Variants in DPP6 observed in about 807,000 individuals in gnomAD.
DPP6 encodes dipeptidyl peptidase like 6, also known as A-type potassium channel modulatory protein DPP6.
Under a neutral mutation model 122.6 loss-of-function variants are expected in DPP6, and 69 were observed. That is an observed-to-expected ratio of 0.56 (90% CI 0.46 to 0.69). The LOEUF is 0.69. Ranked by LOEUF, DPP6 falls within the 30% of genes least tolerant of loss-of-function variation. The pLI, the probability that DPP6 is intolerant of heterozygous loss-of-function variation, is 0.00. For synonymous variants in DPP6, 418 were observed against 433.1 expected (o/e 0.97, Z 0.43); for missense variants, 928 against 1,116.9 (o/e 0.83, Z 2.41).
At chr7:154,751,327 C>T (rs1011910924) in intron 8 of DPP6, among the ~76,000 whole-genome samples, 3 of 151,890 alleles carry the variant, frequency 2.0e-5, no homozygotes, top group African/African-American at 4.8e-5. Flanking sequence ...CTGGCCGGCA[C>T]GATGGCTCAT....
intron 2 of DPP6, among the ~76,000 whole-genome samples, chr7:154,471,630 G>A (rs1205335732): frequency 6.6e-6 from 1 of 151,514 alleles, no homozygotes; most frequent in Non-Finnish European, 1.5e-5. Context: ...CACCCAACCA[G>A]GGGCCTCTCA....
intron 1 of DPP6, among the ~76,000 whole-genome samples, chr7:154,087,071 A>G (rs1804478323): frequency 6.6e-6 from 1 of 151,864 alleles, no homozygotes; most frequent in African/African-American, 2.4e-5. Context: ...TTTTTTCCCA[A>G]GAAAGGGATG....
chr7:153,810,110 GCCAT>G, the DPP6 span, among the ~76,000 whole-genome samples: 1 of 152,240 alleles, frequency 6.6e-6, no homozygotes, highest in African/African-American at 2.4e-5. Context: ...CCGACTTGAT[GCCAT>G]AAAAGCGAGT....
chr7:154,296,117 G>T (rs1805528027), intron 1 of DPP6, among the ~76,000 whole-genome samples: 1 of 149,302 alleles, frequency 6.7e-6, no homozygotes, highest in Non-Finnish European at 1.5e-5. Flanking sequence ...CTAATTTTTT[G>T]TATTTTTTAG....
At chr7:154,702,873 T>G (rs1306543056) in intron 7 of DPP6, among the ~76,000 whole-genome samples, 2 of 152,356 alleles carry the variant, frequency 1.3e-5, no homozygotes, top group East Asian at 1.9e-4. Context: ...GATGATGCCA[T>G]CTAGGACTTT....
intron 3 of DPP6, among the ~76,000 whole-genome samples, chr7:154,512,389 T>C (rs549667783): frequency 1.3e-5 from 2 of 152,196 alleles, no homozygotes; most frequent in Non-Finnish European, 2.9e-5. Flanking sequence ...GACAGTATCA[T>C]TGATAATTCT....
At chr7:153,958,418 C>T (rs375377630) in intron 1 of DPP6, among the ~76,000 whole-genome samples, 4 of 152,098 alleles carry the variant, frequency 2.6e-5, no homozygotes, top group African/African-American at 7.2e-5. Flanking sequence ...AACACGCATC[C>T]TATTCTCTTG....
chr7:153,754,781 T>C, the DPP6 span, among the ~76,000 whole-genome samples: 3 of 152,146 alleles, frequency 2.0e-5, no homozygotes, highest in Non-Finnish European at 4.4e-5. Context: ...ATTTAATGAG[T>C]CTCTCCTCTG....
intron 1 of DPP6, among the ~76,000 whole-genome samples, chr7:154,440,598 G>A (rs1449025466): frequency 1.3e-5 from 2 of 152,174 alleles, no homozygotes; most frequent in South Asian, 2.1e-4. Flanking sequence ...ACCTAACCAT[G>A]GGTATAGTTA....
the DPP6 span, among the ~76,000 whole-genome samples, chr7:153,845,145 T>C: frequency 1.3e-5 from 2 of 152,308 alleles, no homozygotes; most frequent in Middle Eastern, 3.4e-3. Context: ...ATTTTACAAC[T>C]TTTTATTAAA....
chr7:154,070,856 A>G (rs1373622910), intron 1 of DPP6, among the ~76,000 whole-genome samples: 1 of 152,196 alleles, frequency 6.6e-6, no homozygotes, highest in Non-Finnish European at 1.5e-5. Context: ...GAACTGTATT[A>G]TATAAAGATA....
chr7:154,094,805 C>T (rs1036389614), intron 1 of DPP6: 1 of 152,154 alleles, frequency 6.6e-6, no homozygotes, highest in Non-Finnish European at 1.5e-5. Flanking sequence ...TGGCAGGCCT[C>T]GCTGCTGAGA....
At chr7:154,260,016 G>A (rs10254229) in intron 1 of DPP6, among the ~76,000 whole-genome samples, 49,915 of 152,004 alleles carry the variant, frequency 0.33, 8,320 homozygotes, top group African/African-American at 0.37. Flanking sequence ...CTCAGAGAGG[G>A]TGGCCAGAGA....
At chr7:154,662,646 A>T (rs200442155) in intron 6 of DPP6, among the ~76,000 whole-genome samples, 124 of 64,030 alleles carry the variant, frequency 1.9e-3, no homozygotes, top group African/African-American at 7.9e-3. Context: ...CGTATCGGCC[A>T]TAGTGTTCAT....
intron 1 of DPP6, among the ~76,000 whole-genome samples, chr7:154,359,213 G>A (rs769490193): frequency 6.6e-6 from 1 of 152,164 alleles, no homozygotes; most frequent in Non-Finnish European, 1.5e-5. Context: ...TGGGTGTTTC[G>A]GGTGGTCTGT....
At chr7:154,444,238 G>A (rs1586290032) in intron 1 of DPP6, among the ~76,000 whole-genome samples, 1 of 151,766 alleles carries the variant, frequency 6.6e-6, no homozygotes, top group Admixed American at 6.6e-5. Flanking sequence ...CGGGCGGATC[G>A]CAAGGTCAGG....
chr7:154,867,650 G>A (rs1803998066), intron 17 of DPP6, among the ~76,000 whole-genome samples: 1 of 152,166 alleles, frequency 6.6e-6, no homozygotes, highest in Admixed American at 6.5e-5. Context: ...TAACAGATGT[G>A]TAATGTAGGT....
In DPP6 at chr7:154,223,319, C is replaced by T. The variant is rs964919610; in HGVS notation, c.243+170256C>T. On this transcript the variant is annotated intron_variant, in intron 1 of 25. Coordinates refer to ENST00000377770, the MANE Select transcript of DPP6 (RefSeq NM_130797.4). Reference sequence around the variant, plus strand: ...TTCATTATTCATTCATCCATTAACACGTTTTGCAAATATTCTTTAAGCATC... The same window carrying T: ...TTCATTATTCATTCATCCATTAACATGTTTTGCAAATATTCTTTAAGCATC... 2.0e-5 allele frequency among the ~76,000 whole-genome samples: 3 copies of T among 149,452 alleles called. 1 individual carries two copies. Among genetic ancestry groups the T allele is most frequent in the Non-Finnish European group, 4.4e-5 (3 of 67,952 alleles).
At chr7:154,727,958 T>G in intron 8 of DPP6, 71 bp downstream of exon 8, 1 of 1,489,580 alleles carries the variant, frequency 6.7e-7, no homozygotes, top group East Asian at 2.3e-5. Flanking sequence ...GTTGGGTTCT[T>G]TTTCATTTTT....
Sources: gnomAD v4.1 joint callset for allele counts (sites outside exome capture counted in the v4.1 genomes callset) on GRCh38, gnomAD v4.1.1 for gene constraint, MANE v1.5 for transcripts, NCBI Gene and HGNC (gene_info 2026-07-23, HGNC 2026-07-21) for gene names.